Variants in KIAA1958 observed in about 807,000 individuals in gnomAD.
KIAA1958 encodes the protein KIAA1958.
Under a neutral mutation model 47.2 loss-of-function variants are expected in KIAA1958, and 14 were observed. That is an observed-to-expected ratio of 0.30 (90% CI 0.20 to 0.46). The LOEUF (loss-of-function observed/expected upper bound fraction) is 0.46, where lower values mean the gene tolerates loss of function less well. KIAA1958 is among the 20% of genes least tolerant of loss of function. KIAA1958 has a pLI of 1.00. For synonymous variants in KIAA1958, 354 were observed against 353.3 expected, an observed-to-expected ratio of 1.00 and a Z score of -0.02; for missense variants, 803 against 909.2, an observed-to-expected ratio of 0.88 and a Z score of 1.50.
At chr9:112,650,116 TAAAAAGCTGAAGGAA>T (rs969263480) in intron 3 of KIAA1958, among the ~76,000 whole-genome samples, 2 of 151,976 alleles carry the variant, frequency 1.3e-5, no homozygotes, top group Non-Finnish European at 2.9e-5. Context: ...ATAACATCTT[TAAAAAGCTGAAGGAA>T]AAACTGTCAA....
chr9:112,588,678 A>G (rs534883830), intron 2 of KIAA1958, among the ~76,000 whole-genome samples: 1 of 152,282 alleles, frequency 6.6e-6, no homozygotes, highest in South Asian at 2.1e-4. Context: ...ACAAGAGAAC[A>G]GTGTTCCTTC....
At chr9:112,519,180 C>G (rs1834494649) in intron 1 of KIAA1958, among the ~76,000 whole-genome samples, 1 of 152,158 alleles carries the variant, frequency 6.6e-6, no homozygotes, top group Non-Finnish European at 1.5e-5. Flanking sequence ...TGAGCTCAAG[C>G]AGTACTCCCA....
At position 112,495,027 on chromosome 9, in the gene KIAA1958, A is replaced by C. The variant is rs1451507718; in HGVS notation, c.-25+7909A>C. 1.2e-3 allele frequency among the ~76,000 whole-genome samples: 178 copies of C among 150,448 alleles called. 1 individual carries two copies. The highest frequency in any genetic ancestry group is 7.4e-5 in the Non-Finnish European group (5 of 67,726). ...CTGTCATTCAAGGCTCAAGGGATTC[A>C]CCCACCTCAGCTTCCCAAGTAGCTA... On this transcript the variant is annotated intron_variant, in intron 1 of 3. Transcript: ENST00000337530.
In KIAA1958 at chr9:112,596,141, CA is replaced by C. The variant is rs1163191657; in HGVS notation, c.1171+20892del. 2.6e-5 allele frequency among the ~76,000 whole-genome samples: 4 copies of C among 152,198 alleles called. No homozygotes were observed. In the East Asian group the frequency reaches 7.7e-4, roughly 29 times the overall value. ...AAAAAAGCTGGGACCTCTAGGACAA[CA>C]AGTGAAATGACCGATTATAGTTGAG... On this transcript the variant is annotated intron_variant, in intron 2 of 3. Coordinates refer to ENST00000337530, the MANE Select transcript of KIAA1958 (RefSeq NM_133465.4).
At chr9:112,561,056 A>ATT (rs201349723) in intron 1 of KIAA1958, among the ~76,000 whole-genome samples, 12,028 of 141,038 alleles carry the variant, frequency 0.085, 724 homozygotes, top group East Asian at 0.19. Context: ...TGTCTTTGCA[A>ATT]TTTTTTTTTT....
At chr9:112,651,265 G>T (rs568493686) in intron 3 of KIAA1958, among the ~76,000 whole-genome samples, 1 of 151,912 alleles carries the variant, frequency 6.6e-6, no homozygotes, top group South Asian at 2.1e-4. Flanking sequence ...AGTATGGTGG[G>T]TCATAAAACA....
Position 112,574,241 on chromosome 9 carries a change from A to G in KIAA1958, c.161A>G (p.His54Arg). ...GCAATGTGGGGCTGTAGTGCTGGCC[A>G]TGCTTATCACTGGCCACTAACAGCT... ...LTAMWGCSAG[H>R]AYHWPLTATC... The change falls in exon 2 of 4, where the codon CAT becomes CGT. Residue 54 changes from histidine (H) to arginine (R), a missense_variant. His to Arg is a conservative substitution (Grantham distance 29). This residue lies in a region of KIAA1958 where 42 missense variants were observed against 79.9 expected (regional missense o/e 0.53). Coordinates refer to ENST00000337530, the MANE Select transcript of KIAA1958 (RefSeq NM_133465.4). 6.2e-7 allele frequency: 1 copy of G among 1,614,162 alleles called. No homozygotes were observed. The highest frequency in any genetic ancestry group is 8.5e-7 in the Non-Finnish European group (1 of 1,179,998).
At chr9:112,529,952 T>TGAGTAG (rs1834725315) in intron 1 of KIAA1958, among the ~76,000 whole-genome samples, 1 of 152,086 alleles carries the variant, frequency 6.6e-6, no homozygotes, top group Non-Finnish European at 1.5e-5. Context: ...CACACCATTC[T>TGAGTAG]CCTGCCTCAG....
At chr9:112,634,687 CACA>C (rs1321003684) in intron 2 of KIAA1958, among the ~76,000 whole-genome samples, 2 of 152,196 alleles carry the variant, frequency 1.3e-5, no homozygotes, top group Non-Finnish European at 2.9e-5. Flanking sequence ...ATAAATGTAC[CACA>C]ACATCTTCTG....
rs35339642 is a variant in KIAA1958, at chr9:112,541,351, GAA to G, written c.-24-32693_-24-32692del. ...GAGTATCCAAATCAGAAAATTAAAT[GAA>G]AAAAAAAAAAAATTAAGAAAAGCAA... On this transcript the variant is annotated intron_variant, in intron 1 of 3. Coordinates refer to ENST00000337530, the MANE Select transcript of KIAA1958 (RefSeq NM_133465.4). 8.0e-3 allele frequency among the ~76,000 whole-genome samples: 1,205 copies of G among 150,140 alleles called. 12 individuals are homozygous for G. The highest frequency in any genetic ancestry group is 9.9e-3 in the East Asian group (50 of 5,074).
intron 3 of KIAA1958, among the ~76,000 whole-genome samples, chr9:112,656,650 G>C (rs1837156326): frequency 6.6e-6 from 1 of 152,110 alleles, no homozygotes. Context: ...GAGCCTTTCT[G>C]TCTTTTTCTA....
chr9:112,501,131 A>G (rs1027377378), intron 1 of KIAA1958, among the ~76,000 whole-genome samples: 6 of 151,926 alleles, frequency 3.9e-5, no homozygotes, highest in African/African-American at 1.5e-4. Context: ...TCTCCAAAAC[A>G]AACAAACTCA....
chr9:112,520,586 A>T (rs1473196298), intron 1 of KIAA1958, among the ~76,000 whole-genome samples: 2 of 152,222 alleles, frequency 1.3e-5, no homozygotes, highest in African/African-American at 4.8e-5. Context: ...GAAGAAACAG[A>T]GAAATGAACA....
At chr9:112,593,887 C>T (rs766129294) in intron 2 of KIAA1958, among the ~76,000 whole-genome samples, 1 of 144,530 alleles carries the variant, frequency 6.9e-6, no homozygotes. Flanking sequence ...TTTTAGACAG[C>T]AGAGTCTTGC....
chr9:112,546,888 G>T (rs1835044267), intron 1 of KIAA1958, among the ~76,000 whole-genome samples: 1 of 151,938 alleles, frequency 6.6e-6, no homozygotes, highest in Non-Finnish European at 1.5e-5. Context: ...GCCTCTCTGT[G>T]CTCCTTGACA....
rs113955303 is a variant in KIAA1958 at position 112,652,712 on chromosome 9, G to A, written c.1345-6551G>A. Among the ~76,000 whole-genome samples the A allele has an allele frequency of 6.0e-4, 91 of 152,060 alleles. 1 individual carries two copies. The highest frequency in any genetic ancestry group is 2.1e-3 in the African/African-American group (85 of 41,462). On this transcript the variant is annotated intron_variant, in intron 3 of 3. Coordinates refer to ENST00000337530, the MANE Select transcript of KIAA1958 (RefSeq NM_133465.4). ...TTGGCTTACTGCAGCCTCTACCTCC[G>A]GGGTTCAAGTGATCCACCCTCCTCA...
intron 2 of KIAA1958, among the ~76,000 whole-genome samples, chr9:112,644,458 T>C (rs1165611340): frequency 6.6e-6 from 1 of 152,212 alleles, no homozygotes; most frequent in Admixed American, 6.5e-5. Flanking sequence ...AATACATTCA[T>C]CAATAGTCCA....
At chr9:112,563,085 C>CTCTA (rs10655286) in intron 1 of KIAA1958, among the ~76,000 whole-genome samples, 4,301 of 131,510 alleles carry the variant, frequency 0.033, 98 homozygotes, top group African/African-American at 0.056. Flanking sequence ...CTCTCTCTCT[C>CTCTA]TATATATATA....
intron 1 of KIAA1958, among the ~76,000 whole-genome samples, chr9:112,497,370 GA>G (rs1834063923): frequency 6.6e-6 from 1 of 152,264 alleles, no homozygotes; most frequent in Admixed American, 6.5e-5. Flanking sequence ...GACACAAAAA[GA>G]GACATTAGGG....
Sources: allele counts gnomAD v4.1 joint callset (sites outside exome capture counted in the v4.1 genomes callset), GRCh38; gene constraint gnomAD v4.1.1; regional missense constraint gnomAD v4.1.1; transcripts MANE v1.5; gene names NCBI Gene and HGNC (gene_info 2026-07-23, HGNC 2026-07-21).